Variants in DLGAP2 observed in about 807,000 individuals in gnomAD.
DLGAP2 encodes DLG associated protein 2.
A neutral mutation model predicts 100.3 loss-of-function variants in DLGAP2; 26 were observed. That is an observed-to-expected ratio of 0.26 (90% CI 0.19 to 0.36). The LOEUF is 0.36. Among genes scored for constraint, DLGAP2 ranks in the 10% least tolerant of loss-of-function variants. The probability of loss-of-function intolerance (pLI) is 1.00; values close to 1 mark genes in which losing one functional copy is unlikely to be tolerated. For missense variants in DLGAP2, 1,858 were observed against 1,453.2 expected, an observed-to-expected ratio of 1.28 and a Z score of -4.53; for synonymous variants, 886 against 630.1, an observed-to-expected ratio of 1.41 and a Z score of -6.08.
intron 3 of DLGAP2, among the ~76,000 whole-genome samples, chr8:1,456,941 C>G (rs13259036): frequency 0.35 from 53,624 of 152,028 alleles, 10,426 homozygotes; most frequent in East Asian, 0.56. Context: ...CTCTCAGTGA[C>G]AACACATCAC....
intron 3 of DLGAP2, among the ~76,000 whole-genome samples, chr8:1,483,153 T>C (rs1799144392): frequency 6.6e-6 from 1 of 152,116 alleles, no homozygotes; most frequent in Admixed American, 6.5e-5. Context: ...GAGCTGCTGC[T>C]GGGCGTTTGC....
intron 2 of DLGAP2, among the ~76,000 whole-genome samples, chr8:981,253 C>T (rs377086052): frequency 1.3e-5 from 2 of 152,108 alleles, no homozygotes; most frequent in South Asian, 2.1e-4. Flanking sequence ...ATCAGAATAC[C>T]GTTGCTTTCT....
At chr8:869,492 C>T (rs118026822) in intron 1 of DLGAP2, among the ~76,000 whole-genome samples, 2,038 of 152,280 alleles carry the variant, frequency 0.013, 34 homozygotes, top group Middle Eastern at 0.041. Context: ...TTAAAATAGA[C>T]GTCTCTTTAT....
chr8:962,485 G>A lies in DLGAP2; in HGVS notation c.73+54519G>A, dbSNP rs148528464. On this transcript the variant is annotated intron_variant, in intron 2 of 14. Coordinates refer to ENST00000637795, the MANE Select transcript of DLGAP2 (RefSeq NM_001346810.2). Reference sequence around the variant, plus strand: ...GCACTGTGGCCGTGGGGCGCTGCTGGGAGTCCATGCTGGGGTGGGCGCCTT... The same window carrying A: ...GCACTGTGGCCGTGGGGCGCTGCTGAGAGTCCATGCTGGGGTGGGCGCCTT... Among the ~76,000 whole-genome samples the A allele has an allele frequency of 2.3e-3, 344 of 152,258 alleles. 1 individual carries two copies. The highest frequency in any genetic ancestry group is 0.01 in the Middle Eastern group (3 of 294).
At chr8:1,080,278 G>A (rs1344517442) in intron 2 of DLGAP2, among the ~76,000 whole-genome samples, 1 of 152,190 alleles carries the variant, frequency 6.6e-6, no homozygotes, top group Non-Finnish European at 1.5e-5. Flanking sequence ...CGCCACCCCC[G>A]CCCCGCCGCC....
chr8:1,141,250 G>A (rs759344212), intron 2 of DLGAP2, among the ~76,000 whole-genome samples: 7 of 152,164 alleles, frequency 4.6e-5, no homozygotes, highest in African/African-American at 1.2e-4. Context: ...AAAGGTGTTC[G>A]TTTCAACTGA....
At chr8:784,607 T>C (rs1196372486) in intron 1 of DLGAP2, among the ~76,000 whole-genome samples, 1 of 152,214 alleles carries the variant, frequency 6.6e-6, no homozygotes, top group Non-Finnish European at 1.5e-5. Flanking sequence ...AAGGGTGATA[T>C]AACAGTTTTA....
chr8:1,483,037 C>T (rs1205756218), intron 3 of DLGAP2, among the ~76,000 whole-genome samples: 1 of 152,204 alleles, frequency 6.6e-6, no homozygotes, highest in Non-Finnish European at 1.5e-5. Context: ...TTGGAGCTGG[C>T]TTGAGTGAGC....
At chr8:875,147 G>A (rs1403949637) in intron 1 of DLGAP2, among the ~76,000 whole-genome samples, 1 of 152,112 alleles carries the variant, frequency 6.6e-6, no homozygotes, top group Non-Finnish European at 1.5e-5. Context: ...AATCTTTAAA[G>A]TGTATCTCCA....
intron 4 of DLGAP2, among the ~76,000 whole-genome samples, chr8:1,541,174 T>C (rs1563209869): frequency 6.6e-6 from 1 of 152,226 alleles, no homozygotes. Context: ...ACCCAAATTC[T>C]TACCTCCACT....
intron 2 of DLGAP2, among the ~76,000 whole-genome samples, chr8:1,232,760 T>C (rs1435532441): frequency 6.6e-6 from 1 of 152,242 alleles, no homozygotes; most frequent in Non-Finnish European, 1.5e-5. Flanking sequence ...CACATTCATT[T>C]CTTCCACTAA....
At chr8:1,208,709 G>C (rs1798045336) in intron 2 of DLGAP2, among the ~76,000 whole-genome samples, 1 of 152,004 alleles carries the variant, frequency 6.6e-6, no homozygotes, top group African/African-American at 2.4e-5. Context: ...CTGATGATAT[G>C]ATTTTATACT....
At chr8:928,283 C>T (rs1442229533) in intron 2 of DLGAP2, among the ~76,000 whole-genome samples, 2 of 152,142 alleles carry the variant, frequency 1.3e-5, no homozygotes, top group Admixed American at 6.5e-5. Flanking sequence ...CACGGTTTAC[C>T]GAGGTTGAGT....
chr8:1,264,709 A>G (rs1044428319), intron 3 of DLGAP2, among the ~76,000 whole-genome samples: 5 of 152,170 alleles, frequency 3.3e-5, no homozygotes, highest in African/African-American at 9.7e-5. Flanking sequence ...TTAGATAAAC[A>G]TACAGAAAAG....
intron 2 of DLGAP2, among the ~76,000 whole-genome samples, chr8:941,743 C>T (rs1324964905): frequency 6.6e-6 from 1 of 152,170 alleles, no homozygotes; most frequent in Non-Finnish European, 1.5e-5. Flanking sequence ...AGCTCTCTAG[C>T]ATTTAGGAAA....
At chr8:1,642,002 CCGCT>C (rs1344793281) in intron 8 of DLGAP2, among the ~76,000 whole-genome samples, 1 of 44,578 alleles carries the variant, frequency 2.2e-5, no homozygotes, top group African/African-American at 2.0e-4. Flanking sequence ...ACCCTCGACC[CCGCT>C]GGTCCTCACC....
intron 2 of DLGAP2, among the ~76,000 whole-genome samples, chr8:1,165,914 G>A (rs1797005739): frequency 6.6e-6 from 1 of 151,402 alleles, no homozygotes; most frequent in South Asian, 2.1e-4. Context: ...GATAATAACA[G>A]ATTTTGTTGG....
At chr8:1,551,996 C>G (rs1299821440) in intron 5 of DLGAP2, among the ~76,000 whole-genome samples, 1 of 152,132 alleles carries the variant, frequency 6.6e-6, no homozygotes, top group Non-Finnish European at 1.5e-5. Flanking sequence ...TCTTCCTCCC[C>G]CTAGATTTTT....
chr8:1,656,121 T>C (rs11774249), intron 8 of DLGAP2, among the ~76,000 whole-genome samples: 95,314 of 152,074 alleles, frequency 0.63, 30,625 homozygotes, highest in African/African-American at 0.78. Context: ...GTTGGGAGTT[T>C]GAGACCAGCC....
Sources: gnomAD v4.1 joint callset for allele counts (sites outside exome capture counted in the v4.1 genomes callset) on GRCh38, gnomAD v4.1.1 for gene constraint, MANE v1.5 for transcripts, NCBI Gene and HGNC (gene_info 2026-07-23, HGNC 2026-07-21) for gene names.